The following NRG3 variants were observed in gnomAD, a reference collection of about 807,000 sequenced individuals.
The protein encoded by NRG3 is pro-neuregulin-3, membrane-bound isoform.
NRG3 carries 31 observed loss-of-function variants against 66.9 expected under a neutral mutation model. The observed-to-expected ratio is 0.46, with a 90% CI of 0.35 to 0.63. The LOEUF is 0.63. Among genes scored for constraint, NRG3 ranks in the 20% least tolerant of loss-of-function variants. The pLI is 0.00. For synonymous variants in NRG3, 393 were observed against 359.4 expected, an observed-to-expected ratio of 1.09 and a Z score of -1.06; for missense variants, 910 against 878.9, an observed-to-expected ratio of 1.04 and a Z score of -0.45.
intron 2 of NRG3, among the ~76,000 whole-genome samples, chr10:82,479,691 G>T (rs1842089149): frequency 6.8e-6 from 1 of 146,506 alleles, no homozygotes; most frequent in Non-Finnish European, 1.5e-5. Context: ...AAAAAAGCCC[G>T]GCACCGGGGC....
In NRG3 at chr10:81,875,260, C is replaced by T; in HGVS notation, c.-81C>T. On this transcript the variant is annotated 5_prime_UTR_variant, in exon 1 of 9. Coordinates refer to ENST00000372141, the MANE Select transcript of NRG3 (RefSeq NM_001010848.4). The surrounding 1 kb of genome is among the most constrained non-coding windows in gnomAD (Gnocchi z 5.3). ...CCCGCCGCCGCCGCCGGAGCCCGCG[C>T]CCGCGCCCGCGCCCGGCCCGCGCGG... 1.1e-6 allele frequency: 1 copy of T among 928,202 alleles called. No homozygotes were observed. The highest frequency in any genetic ancestry group is 4.8e-5 in the South Asian group (1 of 20,972). 57.5% of individuals were successfully genotyped at this position (928,202 alleles called of 1,614,324 possible).
At chr10:82,406,363 GT>G (rs1255758005) in intron 2 of NRG3, among the ~76,000 whole-genome samples, 1 of 152,104 alleles carries the variant, frequency 6.6e-6, no homozygotes, top group Non-Finnish European at 1.5e-5. Flanking sequence ...ACAGCACATT[GT>G]TGCCTTCAGA....
chr10:82,836,912 G>A (rs1473519708), intron 3 of NRG3, among the ~76,000 whole-genome samples: 1 of 151,828 alleles, frequency 6.6e-6, no homozygotes, highest in African/African-American at 2.4e-5. Flanking sequence ...CCTACAACAG[G>A]TCCCAGTGTA....
intron 1 of NRG3, among the ~76,000 whole-genome samples, chr10:82,317,444 G>A (rs566258540): frequency 5.9e-5 from 9 of 152,168 alleles, no homozygotes; most frequent in Admixed American, 2.0e-4. Context: ...CTTCTCTTTA[G>A]GTCATATTCT....
chr10:81,989,576 A>G (rs2060657072), intron 1 of NRG3, among the ~76,000 whole-genome samples: 1 of 152,184 alleles, frequency 6.6e-6, no homozygotes, highest in East Asian at 1.9e-4. Context: ...CTCCGAGGGA[A>G]TATTTTTATG....
intron 1 of NRG3, among the ~76,000 whole-genome samples, chr10:82,163,322 A>G (rs2071753864): frequency 6.6e-6 from 1 of 152,176 alleles, no homozygotes; most frequent in South Asian, 2.1e-4. Context: ...AAGCTCTGCC[A>G]TTGTTATTTT....
chr10:82,375,019 G>A (rs1016555337), intron 2 of NRG3, among the ~76,000 whole-genome samples: 2 of 152,156 alleles, frequency 1.3e-5, no homozygotes, highest in African/African-American at 4.8e-5. Context: ...GTTTCCACAG[G>A]TTTCTATTAT....
At chr10:82,801,482 A>G (rs2061035863) in intron 3 of NRG3, among the ~76,000 whole-genome samples, 1 of 152,180 alleles carries the variant, frequency 6.6e-6, no homozygotes, top group Non-Finnish European at 1.5e-5. Context: ...GCAGATTGCC[A>G]AGCCCTCCAA....
At chr10:82,023,159 A>C (rs147268373) in intron 1 of NRG3, among the ~76,000 whole-genome samples, 3 of 150,768 alleles carry the variant, frequency 2.0e-5, no homozygotes, top group Non-Finnish European at 4.4e-5. Context: ...TCTTTTAGAG[A>C]TTCTCTGCTG....
At chr10:82,078,218 T>C (rs1409044575) in intron 1 of NRG3, among the ~76,000 whole-genome samples, 1 of 152,214 alleles carries the variant, frequency 6.6e-6, no homozygotes, top group East Asian at 1.9e-4. Context: ...TGGAGGACAA[T>C]GATCTACATC....
At chr10:81,904,850 T>G (rs1270759731) in intron 1 of NRG3, among the ~76,000 whole-genome samples, 1 of 152,100 alleles carries the variant, frequency 6.6e-6, no homozygotes, top group Non-Finnish European at 1.5e-5. Flanking sequence ...TTCTGTAAAA[T>G]CAGGATATCA....
rs192476862 is a variant in NRG3 at position 82,378,919 on chromosome 10, A to G, written c.953+20051A>G. 3.0e-4 allele frequency among the ~76,000 whole-genome samples: 46 copies of G among 152,176 alleles called. No individual in the cohort carries two copies. The East Asian group carries it at 6.8e-3, about 22-fold the overall frequency. ...CTCTCCTTCTATGGCCTGGTGTGCT[A>G]TATCACTCACACTAGGGAGGCTCAG... On this transcript the variant is annotated intron_variant, in intron 2 of 8. Transcript: ENST00000372141.
At chr10:82,153,425 G>GTGTGTGTT (rs2070936659) in intron 1 of NRG3, among the ~76,000 whole-genome samples, 1 of 151,658 alleles carries the variant, frequency 6.6e-6, no homozygotes, top group African/African-American at 2.4e-5. Context: ...GTGTGTGTGT[G>GTGTGTGTT]TGTGTGTGTG....
intron 1 of NRG3, among the ~76,000 whole-genome samples, chr10:82,203,136 T>C (rs952225370): frequency 7.2e-5 from 11 of 152,074 alleles, no homozygotes; most frequent in African/African-American, 2.4e-4. Flanking sequence ...GTAGGACGGA[T>C]TATAGAAAAG....
intron 3 of NRG3, among the ~76,000 whole-genome samples, chr10:82,857,162 C>T (rs556977683): frequency 1.3e-5 from 2 of 152,318 alleles, no homozygotes; most frequent in East Asian, 3.9e-4. Context: ...TGCTATTTCA[C>T]TTTGCTTAGC....
chr10:82,761,393 T>C (rs1487532035), intron 3 of NRG3, among the ~76,000 whole-genome samples: 1 of 151,990 alleles, frequency 6.6e-6, no homozygotes, highest in Non-Finnish European at 1.5e-5. Flanking sequence ...AAAAACAAAG[T>C]AACAGAAAAT....
chr10:82,889,008 A>AC (rs2136109054), intron 4 of NRG3, among the ~76,000 whole-genome samples: 1 of 152,196 alleles, frequency 6.6e-6, no homozygotes, highest in East Asian at 1.9e-4. Flanking sequence ...GGTTACCAGG[A>AC]CCCAGATCGG....
intron 2 of NRG3, among the ~76,000 whole-genome samples, chr10:82,477,524 C>A (rs1434236896): frequency 6.6e-6 from 1 of 152,124 alleles, no homozygotes; most frequent in African/African-American, 2.4e-5. Flanking sequence ...TGCCCTTGAC[C>A]ACTTATGCTA....
At chr10:82,930,023 C>T (rs776984501) in intron 4 of NRG3, among the ~76,000 whole-genome samples, 2 of 152,182 alleles carry the variant, frequency 1.3e-5, no homozygotes, top group Non-Finnish European at 2.9e-5. Context: ...AATATCTGCC[C>T]ATTTCTTCCT....
Sources: gnomAD v4.1 joint callset for allele counts (sites outside exome capture counted in the v4.1 genomes callset) on GRCh38, gnomAD v4.1.1 for gene constraint, Gnocchi (gnomAD v3.1) non-coding constraint, MANE v1.5 for transcripts, NCBI Gene and HGNC (gene_info 2026-07-23, HGNC 2026-07-21) for gene names.